The following SYNPR variants were observed in gnomAD, a reference collection of about 807,000 sequenced individuals.
SYNPR encodes the protein synaptoporin.
In SYNPR, 23 loss-of-function variants were observed where a neutral mutation model predicts 32.9. The observed-to-expected ratio is 0.70, with a 90% confidence interval of 0.50 to 0.99. The LOEUF (loss-of-function observed/expected upper bound fraction) is 0.99, where lower values mean the gene tolerates loss of function less well. SYNPR is among the 50% of genes least tolerant of loss of function. SYNPR has a pLI of 0.00. For missense variants in SYNPR, 318 were observed against 349.3 expected (o/e 0.91, Z 0.71); for synonymous variants, 146 against 135.9 (o/e 1.07, Z -0.52).
At chr3:63,355,140 A>T (rs2087559982) in intron 2 of SYNPR, among the ~76,000 whole-genome samples, 4 of 152,010 alleles carry the variant, frequency 2.6e-5, no homozygotes, top group Admixed American at 2.6e-4. Flanking sequence ...TTAGCCGGGC[A>T]TGGTGGCACA....
chr3:63,586,434 TCATACCAGG>T (rs1272412718), intron 4 of SYNPR, among the ~76,000 whole-genome samples: 8 of 151,862 alleles, frequency 5.3e-5, no homozygotes, highest in African/African-American at 1.7e-4. Context: ...ACTTAAAAAG[TCATACCAGG>T]GAAAGCCCAT....
chr3:63,544,899 T>G (rs1418282678), intron 3 of SYNPR, among the ~76,000 whole-genome samples: 1 of 151,756 alleles, frequency 6.6e-6, no homozygotes, highest in Non-Finnish European at 1.5e-5. Context: ...CACAATCCTA[T>G]GAATATGGTG....
chr3:63,493,708 T>G (rs1474110849), intron 3 of SYNPR, among the ~76,000 whole-genome samples: 6 of 150,970 alleles, frequency 4.0e-5, no homozygotes, highest in Non-Finnish European at 7.4e-5. Context: ...CCCAGCTACT[T>G]GGGAGGCTGA....
intron 2 of SYNPR, among the ~76,000 whole-genome samples, chr3:63,255,780 G>A (rs988901810): frequency 4.0e-5 from 6 of 151,756 alleles, no homozygotes; most frequent in Non-Finnish European, 7.4e-5. Context: ...CACCGAGTGT[G>A]AGCAGGAAGT....
chr3:63,237,301 A>G (rs2106877563), intron 1 of SYNPR, among the ~76,000 whole-genome samples: 1 of 152,052 alleles, frequency 6.6e-6, no homozygotes, highest in African/African-American at 2.4e-5. Context: ...CCTCAAGTTT[A>G]CTGATTCTAT....
chr3:63,209,657 T>C, the SYNPR span, among the ~76,000 whole-genome samples: 2 of 152,176 alleles, frequency 1.3e-5, no homozygotes, highest in Non-Finnish European at 2.9e-5. Flanking sequence ...TATAAAACTA[T>C]TCTCCCTCTC....
At chr3:63,288,061 T>C (rs985194837) in intron 2 of SYNPR, among the ~76,000 whole-genome samples, 4 of 152,200 alleles carry the variant, frequency 2.6e-5, no homozygotes, top group African/African-American at 9.6e-5. Context: ...CTTGTCATTA[T>C]TCTTATCTAA....
chr3:63,434,436 T>A (rs1318217018), intron 2 of SYNPR, among the ~76,000 whole-genome samples: 1 of 152,096 alleles, frequency 6.6e-6, no homozygotes, highest in South Asian at 2.1e-4. Flanking sequence ...GCTAAGAGAG[T>A]CTCATCAATA....
intron 2 of SYNPR, among the ~76,000 whole-genome samples, chr3:63,280,370 C>T (rs1325222085): frequency 1.3e-5 from 2 of 152,062 alleles, no homozygotes; most frequent in African/African-American, 4.8e-5. Context: ...TAAATGAGCT[C>T]CCTGCGTAAC....
At chr3:63,550,328 C>T (rs1702478568) in intron 3 of SYNPR, among the ~76,000 whole-genome samples, 1 of 151,456 alleles carries the variant, frequency 6.6e-6, no homozygotes, top group Admixed American at 6.6e-5. Flanking sequence ...GCAACAGTTA[C>T]ATATACGTGT....
intron 2 of SYNPR, among the ~76,000 whole-genome samples, chr3:63,339,027 C>A (rs560502896): frequency 6.6e-6 from 1 of 152,194 alleles, no homozygotes; most frequent in Non-Finnish European, 1.5e-5. Flanking sequence ...TTGCCTGCTG[C>A]GTTTGCTTGT....
chr3:63,241,172 C>T (rs17067920), intron 1 of SYNPR, among the ~76,000 whole-genome samples: 2,110 of 152,134 alleles, frequency 0.014, 42 homozygotes, highest in African/African-American at 0.047. Context: ...CAGGAGCTTG[C>T]GTTGGAAAGG....
chr3:63,280,707 T>TC (rs370762365), intron 2 of SYNPR, among the ~76,000 whole-genome samples: 2 of 147,286 alleles, frequency 1.4e-5, no homozygotes, highest in African/African-American at 2.5e-5. Context: ...GTTTTATAGC[T>TC]CCCCCCCTTG....
intron 3 of SYNPR, among the ~76,000 whole-genome samples, chr3:63,502,805 G>C (rs561553125): frequency 1.5e-4 from 23 of 151,782 alleles, no homozygotes; most frequent in African/African-American, 5.1e-4. Flanking sequence ...TATTCCATTG[G>C]ATGTAGCTCC....
intron 2 of SYNPR, among the ~76,000 whole-genome samples, chr3:63,329,637 T>G (rs1191574290): frequency 3.9e-5 from 6 of 152,192 alleles, no homozygotes; most frequent in Non-Finnish European, 8.8e-5. Context: ...TACACCTGCA[T>G]CCTGAGGCAA....
At chr3:63,374,368 T>C (rs2107058070) in intron 2 of SYNPR, among the ~76,000 whole-genome samples, 1 of 152,282 alleles carries the variant, frequency 6.6e-6, no homozygotes, top group East Asian at 1.9e-4. Flanking sequence ...TTCTCACTTA[T>C]AAATGGGAGC....
At chr3:63,266,716 AAACAC>A (rs1250605703) in intron 2 of SYNPR, among the ~76,000 whole-genome samples, 14 of 141,980 alleles carry the variant, frequency 9.9e-5, no homozygotes, top group Middle Eastern at 3.7e-3. Context: ...TCAAAAAAAA[AAACAC>A]AAAAAACCAC....
At chr3:63,444,556 T>C (rs1158617395) in intron 2 of SYNPR, among the ~76,000 whole-genome samples, 1 of 152,162 alleles carries the variant, frequency 6.6e-6, no homozygotes, top group African/African-American at 2.4e-5. Flanking sequence ...GGTCTGACTA[T>C]ACATTTTTCA....
chr3:63,535,637 A>G (rs1270490362), intron 3 of SYNPR, among the ~76,000 whole-genome samples: 1 of 151,986 alleles, frequency 6.6e-6, no homozygotes, highest in African/African-American at 2.4e-5. Flanking sequence ...TACACTTATA[A>G]TCAAATGATT....
Sources: gnomAD v4.1 joint callset for allele counts (sites outside exome capture counted in the v4.1 genomes callset) on GRCh38, gnomAD v4.1.1 for gene constraint, MANE v1.5 for transcripts, NCBI Gene and HGNC (gene_info 2026-07-23, HGNC 2026-07-21) for gene names.